Variants in LAMA2 observed in about 807,000 individuals in gnomAD.
The protein encoded by LAMA2 is laminin subunit alpha-2.
A neutral mutation model predicts 364.8 loss-of-function variants in LAMA2; 269 were observed. The observed-to-expected ratio is 0.74, with a 90% CI of 0.67 to 0.82. The LOEUF (loss-of-function observed/expected upper bound fraction) is 0.82, where lower values mean the gene tolerates loss of function less well. LAMA2 is among the 40% of genes least tolerant of loss of function. The probability of loss-of-function intolerance (pLI) is 0.00; values close to 1 mark genes in which losing one functional copy is unlikely to be tolerated. For synonymous variants in LAMA2, 1,379 were observed against 1,370.6 expected (o/e 1.01, Z -0.14); for missense variants, 3,807 against 3,873.2 (o/e 0.98, Z 0.45).
At chr6:128,910,439 G>A (rs1777831465) in intron 1 of LAMA2, among the ~76,000 whole-genome samples, 1 of 151,994 alleles carries the variant, frequency 6.6e-6, no homozygotes. Context: ...CGGCTCCTGA[G>A]GCTTCTGCAT....
In LAMA2 at chr6:129,066,038, G is replaced by GTTTTTT. The variant is rs544271722; in HGVS notation, c.396+6162_396+6167dup. 1.6e-3 allele frequency among the ~76,000 whole-genome samples: 59 copies of GTTTTTT among 37,106 alleles called. 4 individuals carry two copies. Among genetic ancestry groups the GTTTTTT allele is most frequent in the African/African-American group, 3.3e-3 (39 of 11,696 alleles). The allele number at this position is 37,106 out of a possible 152,430, so 24.3% of individuals were successfully genotyped here. A position where few individuals can be genotyped will look rare whatever the true frequency, so the allele number is the denominator to read the frequency against. On this transcript the variant is annotated intron_variant, in intron 3 of 64. Coordinates refer to ENST00000421865, the MANE Select transcript of LAMA2 (RefSeq NM_000426.4). The stretch of plus-strand genomic sequence containing the variant: ...TCTTTTGTAAATTGCCCAGTCTCAG[G>GTTTTTT]TTTTTTTTTTTTTTTTTTTTTTTTT...
At chr6:128,961,354 T>TATATATTATATATATATAATATATATA (rs1781503830) in intron 1 of LAMA2, among the ~76,000 whole-genome samples, 10 of 77,624 alleles carry the variant, frequency 1.3e-4, no homozygotes, top group African/African-American at 4.6e-4. Flanking sequence ...TATATATATA[T>TATATATTATATATATATAATATATATA]ATATATATAT....
In LAMA2 at chr6:129,441,165, G is replaced by A. The variant is rs1889892; in HGVS notation, c.6268+167G>A. On this transcript the variant is annotated intron_variant, in intron 43 of 64. Transcript: ENST00000421865. The stretch of plus-strand genomic sequence containing the variant: ...TTGAGTGTCATGCAGTTCCAAAGCT[G>A]GAATCCAAGTCTTCTAGCTCTGCCC... 0.66 allele frequency among the ~76,000 whole-genome samples: 100,868 copies of A among 152,026 alleles called. 34,163 individuals are homozygous for A. Among genetic ancestry groups the A allele is most frequent in the African/African-American group, 0.81 (33,544 of 41,488 alleles).
At chr6:129,190,385 G>A in intron 11 of LAMA2, 40 bp downstream of exon 11, 2 of 1,604,790 alleles carry the variant, frequency 1.2e-6, no homozygotes, top group South Asian at 1.1e-5. Flanking sequence ...TGCCCCAGCA[G>A]CCTTCTTTGT....
At chr6:129,198,492 G>A (rs1781981647) in intron 12 of LAMA2, among the ~76,000 whole-genome samples, 1 of 152,192 alleles carries the variant, frequency 6.6e-6, no homozygotes, top group Non-Finnish European at 1.5e-5. Context: ...AAAAGAAAGG[G>A]AACGACAAAG....
intron 4 of LAMA2, among the ~76,000 whole-genome samples, chr6:129,117,228 CAGAT>C (rs1776531200): frequency 1.3e-5 from 2 of 151,992 alleles, no homozygotes; most frequent in Non-Finnish European, 2.9e-5. Context: ...GTAAGGATGT[CAGAT>C]AGAAAAAAGT....
Position 128,968,919 on chromosome 6 carries a change from T to G in LAMA2, c.113-80999T>G, listed in dbSNP as rs116980583. On this transcript the variant is annotated intron_variant, in intron 1 of 64. Coordinates refer to ENST00000421865, the MANE Select transcript of LAMA2 (RefSeq NM_000426.4). ...GATGATTTTAAAAATAATACTTTCT[T>G]AATACTGTGTCACTCTGCCTACTCT... Among the ~76,000 whole-genome samples, 34 of 152,300 alleles carry G rather than the reference T, an allele frequency of 2.2e-4. 1 individual carries two copies. The East Asian group carries it at 6.6e-3, about 29-fold the overall frequency.
intron 1 of LAMA2, among the ~76,000 whole-genome samples, chr6:128,906,154 A>T (rs1777450644): frequency 7.2e-6 from 1 of 138,012 alleles, no homozygotes; most frequent in Non-Finnish European, 1.5e-5. Context: ...ATACCCAGTA[A>T]TGGGATGGCT....
Position 129,514,540 on chromosome 6 carries a change from C to T in LAMA2, c.9156C>T (p.Asn3052=), listed in dbSNP as rs377192371. 3.7e-6 allele frequency: 6 copies of T among 1,614,034 alleles called. No individual in the cohort carries two copies. In the African/African-American group the frequency reaches 8.0e-5, roughly 22 times the overall value. Residue 3052 remains asparagine, a synonymous_variant, in exon 64 of 65, where the codon AAC becomes AAT. Coordinates refer to ENST00000421865, the MANE Select transcript of LAMA2 (RefSeq NM_000426.4). ...DGNQVEAQSP[N]PASTSADTND... Reference sequence around the variant, plus strand: ...ACCAGGTGGAAGCCCAAAGCCCAAACCCAGCATCTACATCAGCTGACACAA... The same window carrying T: ...ACCAGGTGGAAGCCCAAAGCCCAAATCCAGCATCTACATCAGCTGACACAA...
At chr6:129,200,109 CACGTATATAT>C (rs1782105368) in intron 12 of LAMA2, among the ~76,000 whole-genome samples, 1 of 106,346 alleles carries the variant, frequency 9.4e-6, no homozygotes, top group African/African-American at 3.5e-5. Flanking sequence ...TATATGTGTA[CACGTATATAT>C]ATGTGTATAT....
intron 41 of LAMA2, among the ~76,000 whole-genome samples, chr6:129,434,841 A>G (rs1408138529): frequency 6.6e-6 from 1 of 152,176 alleles, no homozygotes; most frequent in Non-Finnish European, 1.5e-5. Context: ...CACCAAAGCT[A>G]CAAAATGTTT....
chr6:129,147,200 T>C, intron 6 of LAMA2, 152 bp downstream of exon 6: 1 of 693,192 alleles, frequency 1.4e-6, no homozygotes, highest in Non-Finnish European at 2.7e-6. Flanking sequence ...AAATAAGAGC[T>C]GGCAGTTAGG....
chr6:129,323,101 G>A (rs528207268), intron 28 of LAMA2, among the ~76,000 whole-genome samples: 24 of 152,238 alleles, frequency 1.6e-4, no homozygotes, highest in African/African-American at 5.8e-4. Flanking sequence ...TACCTGAAGT[G>A]TTTTCCACAA....
At chr6:129,258,805 G>C (rs1343170917) in intron 14 of LAMA2, among the ~76,000 whole-genome samples, 3 of 151,908 alleles carry the variant, frequency 2.0e-5, no homozygotes, top group African/African-American at 4.8e-5. Flanking sequence ...TCATTGACAG[G>C]GTTCCTCAGT....
At chr6:129,438,577 T>C (rs1317815424) in intron 41 of LAMA2, 69 bp from the exon 42 acceptor site, 1 of 755,764 alleles carries the variant, frequency 1.3e-6, no homozygotes, top group African/African-American at 1.7e-5. Flanking sequence ...AACCTGAAAT[T>C]GCACATCCAA....
At chr6:128,956,802 G>A (rs541658710) in intron 1 of LAMA2, among the ~76,000 whole-genome samples, 2 of 149,270 alleles carry the variant, frequency 1.3e-5, no homozygotes, top group Admixed American at 6.6e-5. Context: ...AAGAGGTCAC[G>A]AAGAAGGTAT....
intron 1 of LAMA2, among the ~76,000 whole-genome samples, chr6:129,044,826 T>C (rs927999040): frequency 1.3e-5 from 2 of 152,116 alleles, no homozygotes; most frequent in Non-Finnish European, 2.9e-5. Context: ...TGTAAGTCAA[T>C]ACTCTCTAAA....
intron 1 of LAMA2, among the ~76,000 whole-genome samples, chr6:129,046,859 C>T (rs1269225661): frequency 6.6e-6 from 1 of 152,112 alleles, no homozygotes; most frequent in Non-Finnish European, 1.5e-5. Flanking sequence ...TCTATTTCTC[C>T]TTGAAAATTC....
Position 129,206,098 on chromosome 6 carries a change from GAGGGAGGGAGGAAGGAAGGA to G in LAMA2, c.1782+13249_1782+13268del, listed in dbSNP as rs1204072894. 1.3e-4 allele frequency among the ~76,000 whole-genome samples: 13 copies of G among 98,482 alleles called. 1 individual carries two copies. Among genetic ancestry groups the G allele is most frequent in the African/African-American group, 7.0e-4 (13 of 18,458 alleles). 64.6% of individuals were successfully genotyped at this position (98,482 alleles called of 152,430 possible). A position where few individuals can be genotyped will look rare whatever the true frequency, so the allele number is the denominator to read the frequency against. On this transcript the variant is annotated intron_variant, in intron 12 of 64. Coordinates refer to ENST00000421865, the MANE Select transcript of LAMA2 (RefSeq NM_000426.4). Reference sequence around the variant, plus strand: ...AAAGGAAAGGAGGAAGGAAGGGAGGGAGGGAGGGAGGAAGGAAGGAAGGAAGGAAGGAAGGAAGGAAGGAA... The same window carrying G: ...AAAGGAAAGGAGGAAGGAAGGGAGGGAGGAAGGAAGGAAGGAAGGAAGGAA...
Sources: gnomAD v4.1 joint callset for allele counts (sites outside exome capture counted in the v4.1 genomes callset) on GRCh38, gnomAD v4.1.1 for gene constraint, MANE v1.5 for transcripts, NCBI Gene and HGNC (gene_info 2026-07-23, HGNC 2026-07-21) for gene names.